The following GADL1 variants were observed in gnomAD, a reference collection of about 807,000 sequenced individuals.
The protein encoded by GADL1 is GAD like acidic amino acid decarboxylase 1, also known as acidic amino acid decarboxylase GADL1.
GADL1 carries 71 observed loss-of-function variants against 69.5 expected under a neutral mutation model. The observed-to-expected ratio is 1.02, with a 90% CI of 0.84 to 1.25. GADL1 has a LOEUF of 1.25. Ranked by LOEUF, GADL1 falls within the 50% of genes most tolerant of loss-of-function variation. The probability of loss-of-function intolerance (pLI) is 0.00; values close to 1 mark genes in which losing one functional copy is unlikely to be tolerated. For synonymous variants in GADL1, 254 were observed against 214.4 expected, an observed-to-expected ratio of 1.18 and a Z score of -1.62; for missense variants, 737 against 631.8, an observed-to-expected ratio of 1.17 and a Z score of -1.79.
intron 14 of GADL1, among the ~76,000 whole-genome samples, chr3:30,771,820 C>T (rs986916395): frequency 7.9e-5 from 12 of 152,158 alleles, no homozygotes; most frequent in African/African-American, 2.7e-4. Context: ...AACATGTGTG[C>T]ATGTGTGTAT....
chr3:30,848,024 G>A (rs1161742767), intron 6 of GADL1, among the ~76,000 whole-genome samples: 1 of 152,150 alleles, frequency 6.6e-6, no homozygotes, highest in Non-Finnish European at 1.5e-5. Context: ...TAACCTGGGC[G>A]CTATTTAATC....
At chr3:30,804,628 C>T (rs1697221638) in intron 11 of GADL1, among the ~76,000 whole-genome samples, 1 of 152,150 alleles carries the variant, frequency 6.6e-6, no homozygotes, top group African/African-American at 2.4e-5. Flanking sequence ...TAACCTGTAT[C>T]CTTTTATTTC....
chr3:30,762,603 T>C (rs1292604954), intron 14 of GADL1, among the ~76,000 whole-genome samples: 1 of 152,150 alleles, frequency 6.6e-6, no homozygotes, highest in Non-Finnish European at 1.5e-5. Flanking sequence ...CTCAAGCATT[T>C]ATCTATTGAG....
chr3:30,862,203 C>T (rs964292458), intron 1 of GADL1, among the ~76,000 whole-genome samples: 9 of 151,926 alleles, frequency 5.9e-5, no homozygotes, highest in African/African-American at 2.2e-4. Flanking sequence ...TATTCATTGG[C>T]ATTTCTACAC....
intron 14 of GADL1, among the ~76,000 whole-genome samples, chr3:30,761,085 G>A (rs1034622541): frequency 1.3e-5 from 2 of 152,120 alleles, no homozygotes; most frequent in Non-Finnish European, 2.9e-5. Context: ...AAGCTATCGG[G>A]TTTCATATAG....
intron 14 of GADL1, among the ~76,000 whole-genome samples, chr3:30,763,522 G>GGGGTGT: frequency 9.4e-6 from 1 of 106,430 alleles, no homozygotes; most frequent in East Asian, 2.7e-4. Context: ...GGTGGGGGTG[G>GGGGTGT]GGGGGAATAT....
At chr3:30,875,050 A>G (rs908008084) in intron 1 of GADL1, among the ~76,000 whole-genome samples, 2 of 151,872 alleles carry the variant, frequency 1.3e-5, no homozygotes, top group African/African-American at 4.8e-5. Flanking sequence ...TTATTATCAA[A>G]GAGATAAGAC....
intron 4 of GADL1, among the ~76,000 whole-genome samples, chr3:30,852,045 A>G (rs1698155357): frequency 6.6e-6 from 1 of 152,190 alleles, no homozygotes; most frequent in Non-Finnish European, 1.5e-5. Flanking sequence ...TACTCTAAAT[A>G]TGTAAGTTAA....
intron 4 of GADL1, among the ~76,000 whole-genome samples, chr3:30,852,765 G>C (rs190579209): frequency 1.8e-4 from 27 of 152,236 alleles, no homozygotes; most frequent in Non-Finnish European, 4.4e-5. Flanking sequence ...ATTTTGAGTG[G>C]ATGGTTTAGC....
chr3:30,862,581 AT>A (rs1300548935), intron 1 of GADL1, among the ~76,000 whole-genome samples: 5 of 151,976 alleles, frequency 3.3e-5, no homozygotes, highest in African/African-American at 9.7e-5. Context: ...TCCTTACACA[AT>A]TTATTTTCCT....
intron 13 of GADL1, among the ~76,000 whole-genome samples, chr3:30,782,954 T>C (rs1467873186): frequency 1.3e-5 from 2 of 152,322 alleles, no homozygotes; most frequent in South Asian, 4.1e-4. Flanking sequence ...AAGATAACAA[T>C]GTAAGAAAAA....
chr3:30,853,413 C>T (rs897536379), intron 4 of GADL1, among the ~76,000 whole-genome samples: 6 of 152,250 alleles, frequency 3.9e-5, no homozygotes, highest in South Asian at 2.1e-4. Flanking sequence ...GTCTCATCCA[C>T]GTCCACCATT....
intron 4 of GADL1, among the ~76,000 whole-genome samples, chr3:30,851,780 C>G (rs1380611942): frequency 6.6e-6 from 1 of 152,248 alleles, no homozygotes; most frequent in Non-Finnish European, 1.5e-5. Flanking sequence ...AATTTGACTC[C>G]TATACTTGCC....
intron 14 of GADL1, among the ~76,000 whole-genome samples, chr3:30,761,382 G>T (rs2125485348): frequency 6.6e-6 from 1 of 152,190 alleles, no homozygotes; most frequent in Non-Finnish European, 1.5e-5. Flanking sequence ...GGGACTTATT[G>T]ACAAAACAAG....
At chr3:30,826,377 A>G (rs949170240) in intron 11 of GADL1, among the ~76,000 whole-genome samples, 1 of 151,932 alleles carries the variant, frequency 6.6e-6, no homozygotes, top group Non-Finnish European at 1.5e-5. Context: ...TTGGCGTTCC[A>G]TACTGAAACA....
intron 12 of GADL1, among the ~76,000 whole-genome samples, chr3:30,795,092 T>C (rs1456104072): frequency 6.6e-6 from 1 of 152,176 alleles, no homozygotes; most frequent in Non-Finnish European, 1.5e-5. Flanking sequence ...TTTACTTTGC[T>C]GGAGTTATCT....
intron 14 of GADL1, among the ~76,000 whole-genome samples, chr3:30,756,666 C>G (rs1695979403): frequency 6.6e-6 from 1 of 151,986 alleles, no homozygotes; most frequent in Non-Finnish European, 1.5e-5. Context: ...GCAGAACAAG[C>G]CTGGATTAGC....
intron 6 of GADL1, among the ~76,000 whole-genome samples, 165 bp downstream of exon 6, chr3:30,849,828 TACA>T (rs1445069995): frequency 6.6e-6 from 1 of 152,194 alleles, no homozygotes; most frequent in Non-Finnish European, 1.5e-5. Flanking sequence ...GACCAGGCGT[TACA>T]ACATCAAACT....
At chr3:30,845,947 A>C (rs1472992509) in intron 6 of GADL1, among the ~76,000 whole-genome samples, 1 of 152,286 alleles carries the variant, frequency 6.6e-6, no homozygotes. Flanking sequence ...ATCTCCAACC[A>C]ATGAATCTGC....
Sources: allele counts gnomAD v4.1 joint callset (sites outside exome capture counted in the v4.1 genomes callset), GRCh38; gene constraint gnomAD v4.1.1; transcripts MANE v1.5; gene names NCBI Gene and HGNC (gene_info 2026-07-23, HGNC 2026-07-21).